TTC29: variants seen among roughly 807,000 people sequenced by gnomAD.
TTC29 encodes the protein tetratricopeptide repeat domain 29, also known as tetratricopeptide repeat protein 29.
In TTC29, 49 loss-of-function variants were observed where a neutral mutation model predicts 58.1. The observed-to-expected ratio is 0.84, with a 90% CI of 0.67 to 1.07. The LOEUF is 1.07. Among genes scored for constraint, TTC29 ranks in the 50% least tolerant of loss-of-function variants. The pLI, the probability that TTC29 is intolerant of heterozygous loss-of-function variation, is 0.00. For missense variants in TTC29, 582 were observed against 555.6 expected (o/e 1.05, Z -0.48); for synonymous variants, 209 against 196.8 (o/e 1.06, Z -0.52).
At chr4:146,778,616 T>C (rs1171393390) in intron 11 of TTC29, among the ~76,000 whole-genome samples, 1 of 152,148 alleles carries the variant, frequency 6.6e-6, no homozygotes, top group African/African-American at 2.4e-5. Flanking sequence ...CAAATTTGAT[T>C]GTTCAAATGT....
chr4:146,831,528 C>G (rs1728160972), intron 9 of TTC29: 1 of 220,142 alleles, frequency 4.5e-6, no homozygotes, highest in East Asian at 1.0e-4. Flanking sequence ...AGAATGGTCC[C>G]CAGTCCTACC....
intron 6 of TTC29, among the ~76,000 whole-genome samples, chr4:146,885,183 G>T (rs1238202272): frequency 6.6e-6 from 1 of 151,882 alleles, no homozygotes; most frequent in Admixed American, 6.6e-5. Flanking sequence ...AAATTAGGGT[G>T]ACACTACCCT....
At chr4:146,753,476 T>C (rs1746183174) in intron 11 of TTC29, among the ~76,000 whole-genome samples, 1 of 152,202 alleles carries the variant, frequency 6.6e-6, no homozygotes, top group East Asian at 1.9e-4. Context: ...AGTTCAACCA[T>C]TGTGGAATTC....
At chr4:146,742,603 CTCCCTTCCT>C (rs1561079979) in intron 11 of TTC29, among the ~76,000 whole-genome samples, 1 of 150,808 alleles carries the variant, frequency 6.6e-6, no homozygotes, top group Non-Finnish European at 1.5e-5. Flanking sequence ...CCTTCCTTCC[CTCCCTTCCT>C]TCCCTCCCTT....
At chr4:146,872,391 T>A (rs1440184413) in intron 7 of TTC29, among the ~76,000 whole-genome samples, 2 of 152,022 alleles carry the variant, frequency 1.3e-5, no homozygotes, top group East Asian at 3.9e-4. Flanking sequence ...CTAGACGAAC[T>A]GAACTTTATC....
intron 4 of TTC29, among the ~76,000 whole-genome samples, chr4:146,911,946 T>C (rs1733924543): frequency 6.6e-6 from 1 of 152,084 alleles, no homozygotes; most frequent in Non-Finnish European, 1.5e-5. Context: ...TCTGCAAAGA[T>C]GGAGGAAGGA....
Position 146,707,528 on chromosome 4 carries a change from C to G in TTC29, c.1354G>C (p.Glu452Gln). ...CGTTCTGAGTTTTGAGATACAGCTT[C>G]CACTGTGGATCCTCTAAACTCTTCT... Reference protein sequence around the residue: ...VTEEFRGSTVEAVSQNSERLE... With the variant: ...VTEEFRGSTVQAVSQNSERLE... The change falls in exon 12 of 13, where the codon GAA becomes CAA. Residue 452 changes from glutamate (E) to glutamine (Q), a missense_variant. Coordinates refer to ENST00000325106, the MANE Select transcript of TTC29 (RefSeq NM_031956.4). 2 of 1,608,210 alleles carry G rather than the reference C, an allele frequency of 1.2e-6. No individual in the cohort carries two copies. The highest frequency in any genetic ancestry group is 1.7e-6 in the Non-Finnish European group (2 of 1,177,688).
chr4:146,845,817 T>TCACA (rs112302644), intron 8 of TTC29, among the ~76,000 whole-genome samples: 26 of 148,976 alleles, frequency 1.7e-4, no homozygotes, highest in East Asian at 1.2e-3. Flanking sequence ...GTACACACAA[T>TCACA]CACACACACA....
In TTC29 at chr4:146,937,654, T is replaced by A. The variant is rs1002032905; in HGVS notation, c.116A>T (p.Asp39Val). The A allele has an allele frequency of 2.0e-6, 3 of 1,531,350 alleles. No homozygotes were observed. The African/African-American group carries it at 4.1e-5, about 21-fold the overall frequency. The allele number at this position is 1,531,350 out of a possible 1,614,324, so 94.9% of individuals were successfully genotyped here. The change falls in exon 4 of 13, where the codon GAT becomes GTT. Residue 39 changes from aspartate to valine, a missense_variant. Asp to Val is a radical substitution (Grantham distance 152, BLOSUM62 -3). Transcript: ENST00000325106. ...IPRSQLIKEKDDIDHYLEVNF... is the reference protein window; with the variant it reads ...IPRSQLIKEKVDIDHYLEVNF... ...TACCTCTAGATAATGATCTATGTCA[T>A]CTTTTTCTTTGATCAATTGAGACCT...
At chr4:146,933,187 T>C (rs1735484049) in intron 4 of TTC29, among the ~76,000 whole-genome samples, 1 of 152,242 alleles carries the variant, frequency 6.6e-6, no homozygotes, top group African/African-American at 2.4e-5. Context: ...AAACATCCAC[T>C]GATGATGCTA....
intron 4 of TTC29, among the ~76,000 whole-genome samples, chr4:146,917,612 A>ATAATATCTAGTTAGATATT (rs1229139204): frequency 6.9e-6 from 1 of 144,386 alleles, no homozygotes; most frequent in African/African-American, 2.5e-5. Flanking sequence ...TATTATTTAT[A>ATAATATCTAGTTAGATATT]ATATATAATT....
chr4:146,774,275 G>A (rs761764863), intron 11 of TTC29, among the ~76,000 whole-genome samples: 2 of 152,024 alleles, frequency 1.3e-5, no homozygotes, highest in Non-Finnish European at 2.9e-5. Context: ...GCTAGCTTTG[G>A]GGTTGGTTTG....
intron 11 of TTC29, among the ~76,000 whole-genome samples, chr4:146,793,591 T>C (rs1749625267): frequency 6.6e-6 from 1 of 152,160 alleles, no homozygotes; most frequent in African/African-American, 2.4e-5. Context: ...TTTATTGCAA[T>C]GATCTGGAAC....
intron 4 of TTC29, among the ~76,000 whole-genome samples, chr4:146,922,321 T>C (rs951895616): frequency 4.0e-5 from 6 of 150,390 alleles, no homozygotes; most frequent in Non-Finnish European, 7.4e-5. Context: ...GAGAAGAAAA[T>C]ATTAACAGTA....
intron 6 of TTC29, among the ~76,000 whole-genome samples, chr4:146,885,870 A>C (rs1325151956): frequency 1.3e-5 from 2 of 152,098 alleles, no homozygotes; most frequent in African/African-American, 4.8e-5. Context: ...TTTTGTCCCT[A>C]TTATAAGAAG....
rs564209231 is a variant in TTC29, at chr4:146,943,299, A to T, written c.-7+1732T>A. 3.7e-3 allele frequency among the ~76,000 whole-genome samples: 542 copies of T among 146,662 alleles called. 2 individuals carry two copies. The highest frequency in any genetic ancestry group is 0.02 in the Middle Eastern group (5 of 254). On this transcript the variant is annotated intron_variant, in intron 2 of 12. Transcript: ENST00000325106. ...GAACATTAGCAGCAGGAGCACCTTTACTCTTAAATTTAGTTTAATGTAAGT... is the reference window on the plus strand; with the variant it reads ...GAACATTAGCAGCAGGAGCACCTTTTCTCTTAAATTTAGTTTAATGTAAGT...
intron 11 of TTC29, among the ~76,000 whole-genome samples, chr4:146,763,068 A>G (rs1156871579): frequency 6.6e-6 from 1 of 152,030 alleles, no homozygotes; most frequent in Non-Finnish European, 1.5e-5. Context: ...GGAATTTTAG[A>G]TACCCAGAAC....
intron 3 of TTC29, among the ~76,000 whole-genome samples, chr4:146,937,962 CCTT>C (rs1008977446): frequency 3.4e-4 from 52 of 152,170 alleles, no homozygotes; most frequent in African/African-American, 1.2e-3. Context: ...GCTTACAAGA[CCTT>C]CTATTTTGCT....
intron 8 of TTC29, among the ~76,000 whole-genome samples, chr4:146,837,004 A>G (rs548351206): frequency 3.9e-5 from 6 of 152,262 alleles, no homozygotes; most frequent in Non-Finnish European, 8.8e-5. Context: ...GTATATACCC[A>G]GAGGAATAAA....
Sources: allele counts gnomAD v4.1 joint callset (sites outside exome capture counted in the v4.1 genomes callset), GRCh38; gene constraint gnomAD v4.1.1; transcripts MANE v1.5; gene names NCBI Gene and HGNC (gene_info 2026-07-23, HGNC 2026-07-21).